C2CD3: variants seen among roughly 807,000 people sequenced by gnomAD.
C2CD3 encodes the protein C2 domain containing 3 centriole elongation regulator.
In C2CD3, 148 loss-of-function variants were observed where a neutral mutation model predicts 234.0. That is an observed-to-expected ratio of 0.63 (90% CI 0.55 to 0.72). The LOEUF is 0.72. Ranked by LOEUF, C2CD3 falls within the 30% of genes least tolerant of loss-of-function variation. C2CD3 has a pLI of 0.00. For missense variants in C2CD3, 2,577 were observed against 2,811.5 expected (o/e 0.92, Z 1.89); for synonymous variants, 1,000 against 1,035.4 (o/e 0.97, Z 0.66).
At chr11:74,063,190 A>T (rs1177365818) in intron 24 of C2CD3, among the ~76,000 whole-genome samples, 3 of 152,200 alleles carry the variant, frequency 2.0e-5, no homozygotes, top group Non-Finnish European at 4.4e-5. Context: ...AGCCGCATCT[A>T]CCAGAGGTAC....
Position 74,034,212 on chromosome 11 carries a change from T to C in C2CD3, c.5948A>G (p.Asn1983Ser). 6.5e-7 allele frequency: 1 copy of C among 1,536,254 alleles called. No homozygotes were observed. The highest frequency in any genetic ancestry group is 8.7e-7 in the Non-Finnish European group (1 of 1,146,908). The part of the protein sequence containing the change: ...LSSHRARSRS[N>S]KATTLPDAQD... ...AGCATCTGGGAGGGTGGTGGCCTTG[T>C]TGCTTCTACTCCTGGCTCGGTGAGA... The change falls in exon 31 of 33, where the codon AAC becomes AGC. Residue 1983 changes from asparagine to serine, a missense_variant. Coordinates refer to ENST00000334126, the MANE Select transcript of C2CD3 (RefSeq NM_001286577.2).
intron 2 of C2CD3, among the ~76,000 whole-genome samples, chr11:74,166,341 T>C (rs1353736869): frequency 6.6e-6 from 1 of 150,972 alleles, no homozygotes; most frequent in East Asian, 2.0e-4. Flanking sequence ...AAAAACCATG[T>C]CATGTCTACA....
intron 16 of C2CD3, among the ~76,000 whole-genome samples, chr11:74,097,650 T>C (rs1010238375): frequency 6.6e-6 from 1 of 152,240 alleles, no homozygotes; most frequent in African/African-American, 2.4e-5. Context: ...TCACAATGAC[T>C]TTCCAGCATG....
intron 13 of C2CD3, among the ~76,000 whole-genome samples, chr11:74,105,313 C>T (rs1956474862): frequency 6.6e-6 from 1 of 152,030 alleles, no homozygotes; most frequent in African/African-American, 2.4e-5. Context: ...CTCTGTCGCC[C>T]AGGCTGGAGT....
intron 32 of C2CD3, among the ~76,000 whole-genome samples, chr11:74,023,882 T>C (rs1488523606): frequency 6.6e-6 from 1 of 152,368 alleles, no homozygotes; most frequent in Admixed American, 6.5e-5. Context: ...TCAATCACTG[T>C]ATAATTTTAA....
At chr11:74,037,420 T>C in intron 30 of C2CD3, 58 bp downstream of exon 30, 1 of 1,327,058 alleles carries the variant, frequency 7.5e-7, no homozygotes, top group South Asian at 1.2e-5. Context: ...ATTCAAATGC[T>C]TTTTGAATTA....
At chr11:74,040,169 A>G (rs947441482) in intron 29 of C2CD3, among the ~76,000 whole-genome samples, 4 of 152,040 alleles carry the variant, frequency 2.6e-5, no homozygotes, top group African/African-American at 9.7e-5. Context: ...AGGAGCACAA[A>G]CCCTATTGTG....
chr11:74,071,069 TCTGTACTAAAAATGTTAA>T (rs1954767858), intron 24 of C2CD3, among the ~76,000 whole-genome samples: 1 of 152,176 alleles, frequency 6.6e-6, no homozygotes, highest in Non-Finnish European at 1.5e-5. Flanking sequence ...CGTTTATTCC[TCTGTACTAAAAATGTTAA>T]CATGTCTCTC....
At chr11:74,159,927 T>C (rs1856335570) in intron 3 of C2CD3, among the ~76,000 whole-genome samples, 1 of 152,174 alleles carries the variant, frequency 6.6e-6, no homozygotes, top group African/African-American at 2.4e-5. Flanking sequence ...TTTTATACTG[T>C]TATTTTATCT....
chr11:74,139,847 AT>A lies in C2CD3; in HGVS notation c.484-20del. Reference sequence around the variant, plus strand: ...GTGAGACCTAAGAGAGACAGGTAGTATATGAGAAATTTTCTTTAGCATTGAT... The same window carrying A: ...GTGAGACCTAAGAGAGACAGGTAGTAATGAGAAATTTTCTTTAGCATTGAT... On this transcript the variant is annotated intron_variant, in intron 3 of 32. Transcript: ENST00000334126. 2 of 1,480,436 alleles carry A rather than the reference AT, an allele frequency of 1.4e-6. No individual in the cohort carries two copies. Among genetic ancestry groups the A allele is most frequent in the Non-Finnish European group, 1.9e-6 (2 of 1,058,792 alleles). 91.7% of individuals were successfully genotyped at this position (1,480,436 alleles called of 1,614,324 possible).
At chr11:74,109,914 TACA>T (rs775501405) in intron 11 of C2CD3, among the ~76,000 whole-genome samples, 26 of 151,560 alleles carry the variant, frequency 1.7e-4, no homozygotes, top group Non-Finnish European at 2.5e-4. Flanking sequence ...CTACTAAAAA[TACA>T]ACAACAAAAA....
intron 3 of C2CD3, among the ~76,000 whole-genome samples, chr11:74,151,484 G>C (rs1237721012): frequency 6.6e-6 from 1 of 151,870 alleles, no homozygotes; most frequent in Admixed American, 6.6e-5. Context: ...ATGCCACCAT[G>C]TCCAGCCAAT....
chr11:74,026,694 G>C (rs1040151337), intron 32 of C2CD3, among the ~76,000 whole-genome samples: 3 of 152,200 alleles, frequency 2.0e-5, no homozygotes, highest in Non-Finnish European at 4.4e-5. Context: ...TTCAGGCCGG[G>C]CGCAGTGGCT....
At chr11:74,077,771 GTATATATATATATATATATA>G (rs553597652) in intron 23 of C2CD3, among the ~76,000 whole-genome samples, 11 of 69,200 alleles carry the variant, frequency 1.6e-4, no homozygotes, top group Admixed American at 7.2e-4. Flanking sequence ...AGAACTTACA[GTATATATATATATATATATA>G]TATATATATA....
chr11:74,139,805 C>A lies in C2CD3; in HGVS notation c.507G>T (p.Leu169=). The A allele has an allele frequency of 6.2e-7, 1 of 1,612,704 alleles. No individual in the cohort carries two copies. The highest frequency in any genetic ancestry group is 8.5e-7 in the Non-Finnish European group (1 of 1,178,788). The part of the protein sequence containing the change: ...ELQVSLALEP[L]SETYDSYHPL... ...GATGGTAGCTGTCGTAAGTTTCTGA[C>A]AGAGGTTCCAGGGCAAGTGAGACCT... The change falls in exon 4 of 33, where the codon CTG becomes CTT. Residue 169 remains leucine (L), a synonymous_variant. Transcript: ENST00000334126.
At chr11:74,038,304 G>A (rs1205658240) in intron 29 of C2CD3, among the ~76,000 whole-genome samples, 1 of 152,180 alleles carries the variant, frequency 6.6e-6, no homozygotes, top group East Asian at 1.9e-4. Context: ...ACATAAATAA[G>A]TGATTTTAAA....
chr11:74,030,404 T>G (rs559527061), intron 31 of C2CD3, among the ~76,000 whole-genome samples: 1 of 152,318 alleles, frequency 6.6e-6, no homozygotes, highest in African/African-American at 2.4e-5. Flanking sequence ...GAAGTCTGGC[T>G]TCCATTCCCA....
At chr11:74,100,787 G>T in intron 14 of C2CD3, 111 bp from the exon 15 acceptor site, 1 of 865,454 alleles carries the variant, frequency 1.2e-6, no homozygotes, top group Non-Finnish European at 1.8e-6. Context: ...AACACACAGT[G>T]TTATGAGCTA....
At chr11:74,153,837 T>C (rs1232796981) in intron 3 of C2CD3, among the ~76,000 whole-genome samples, 2 of 152,108 alleles carry the variant, frequency 1.3e-5, no homozygotes, top group Non-Finnish European at 2.9e-5. Context: ...ACAGAAATTC[T>C]AATCTGCAAC....
Sources: allele counts gnomAD v4.1 joint callset (sites outside exome capture counted in the v4.1 genomes callset), GRCh38; gene constraint gnomAD v4.1.1; transcripts MANE v1.5; gene names NCBI Gene and HGNC (gene_info 2026-07-23, HGNC 2026-07-21).